The following GRID2 variants were observed in gnomAD, a reference collection of about 807,000 sequenced individuals.
GRID2 encodes the protein glutamate receptor ionotropic, delta-2.
Under a neutral mutation model 114.8 loss-of-function variants are expected in GRID2, and 33 were observed. The observed-to-expected ratio is 0.29, with a 90% CI of 0.22 to 0.38. The LOEUF (loss-of-function observed/expected upper bound fraction) is 0.38, where lower values mean the gene tolerates loss of function less well. Among genes scored for constraint, GRID2 ranks in the 10% least tolerant of loss-of-function variants. GRID2 has a pLI of 1.00. For synonymous variants in GRID2, 505 were observed against 449.9 expected (o/e 1.12, Z -1.55); for missense variants, 1,184 against 1,257.7 (o/e 0.94, Z 0.89).
chr4:92,314,388 A>G (rs1362092735), intron 1 of GRID2, among the ~76,000 whole-genome samples: 1 of 152,176 alleles, frequency 6.6e-6, no homozygotes, highest in Non-Finnish European at 1.5e-5. Flanking sequence ...TTCTTGTTAT[A>G]ATAGACAAAT....
chr4:92,541,274 C>T (rs1030270096), intron 1 of GRID2, among the ~76,000 whole-genome samples: 1 of 150,960 alleles, frequency 6.6e-6, no homozygotes, highest in African/African-American at 2.4e-5. Flanking sequence ...CACATGTACC[C>T]TTAAACTTAA....
At chr4:92,505,113 C>A (rs1723891691) in intron 1 of GRID2, among the ~76,000 whole-genome samples, 1 of 151,944 alleles carries the variant, frequency 6.6e-6, no homozygotes, top group Admixed American at 6.6e-5. Context: ...ACTACATAAA[C>A]CATAGTGGCT....
intron 2 of GRID2, among the ~76,000 whole-genome samples, chr4:92,726,789 A>G (rs1736089639): frequency 6.6e-6 from 1 of 152,046 alleles, no homozygotes; most frequent in Non-Finnish European, 1.5e-5. Flanking sequence ...GTACCAGAAC[A>G]TTGGTTCGGC....
chr4:93,089,405 A>G (rs1730589002), intron 3 of GRID2, among the ~76,000 whole-genome samples: 1 of 152,154 alleles, frequency 6.6e-6, no homozygotes, highest in Admixed American at 6.6e-5. Context: ...AGGCTGACCT[A>G]TCTGTAACAG....
At chr4:93,516,057 C>A (rs1729694811) in intron 13 of GRID2, among the ~76,000 whole-genome samples, 1 of 152,116 alleles carries the variant, frequency 6.6e-6, no homozygotes, top group Admixed American at 6.6e-5. Context: ...CCCTATCAAC[C>A]TCTATGAGAG....
chr4:93,701,388 A>T (rs1159812244), intron 14 of GRID2, among the ~76,000 whole-genome samples: 1 of 152,172 alleles, frequency 6.6e-6, no homozygotes, highest in Non-Finnish European at 1.5e-5. Context: ...TCTATAGAAC[A>T]TATGCTATAA....
At chr4:93,335,262 A>G (rs1758926791) in intron 8 of GRID2, among the ~76,000 whole-genome samples, 2 of 152,190 alleles carry the variant, frequency 1.3e-5, no homozygotes, top group African/African-American at 2.4e-5. Context: ...AGGTAAAGTC[A>G]ATGATCTAAT....
chr4:92,827,786 T>A (rs1741830055), intron 2 of GRID2, among the ~76,000 whole-genome samples: 1 of 152,106 alleles, frequency 6.6e-6, no homozygotes, highest in Non-Finnish European at 1.5e-5. Context: ...TTAGCTAAAA[T>A]AAATCTAGTT....
chr4:92,773,791 TGTAAA>T lies in GRID2; in HGVS notation c.244+183509_244+183513del, dbSNP rs577355871. Among the ~76,000 whole-genome samples the T allele has an allele frequency of 1.2e-4, 18 of 152,146 alleles. No homozygotes were observed. In the South Asian group the frequency reaches 2.9e-3, roughly 25 times the overall value. On this transcript the variant is annotated intron_variant, in intron 2 of 15. Transcript: ENST00000282020. ...TGGGAATAAAAGAAAAACAATAAAA[TGTAAA>T]GTATAATTTAGAGCTTTTTAGTAAT...
chr4:92,584,101 A>C (rs763419180), intron 1 of GRID2, among the ~76,000 whole-genome samples: 6 of 151,852 alleles, frequency 4.0e-5, no homozygotes, highest in Non-Finnish European at 8.8e-5. Flanking sequence ...TAATACTGCT[A>C]ATTTCTCTTA....
intron 2 of GRID2, among the ~76,000 whole-genome samples, chr4:92,866,548 T>A (rs1308258384): frequency 6.6e-6 from 1 of 152,004 alleles, no homozygotes; most frequent in African/African-American, 2.4e-5. Context: ...GTTATCCTTT[T>A]TTTTTTTTCT....
chr4:92,785,853 A>G (rs1436577571), intron 2 of GRID2, among the ~76,000 whole-genome samples: 1 of 151,894 alleles, frequency 6.6e-6, no homozygotes, highest in Non-Finnish European at 1.5e-5. Context: ...AACTTTTTTT[A>G]AAACTATAAA....
chr4:92,340,602 A>G (rs1383505240), intron 1 of GRID2, among the ~76,000 whole-genome samples: 1 of 152,146 alleles, frequency 6.6e-6, no homozygotes, highest in Non-Finnish European at 1.5e-5. Context: ...TCATTGCTCA[A>G]AATTCAATGT....
chr4:93,678,232 G>A (rs1436585745), intron 14 of GRID2, among the ~76,000 whole-genome samples: 1 of 152,092 alleles, frequency 6.6e-6, no homozygotes, highest in Non-Finnish European at 1.5e-5. Context: ...AGAGAAAAAA[G>A]AATAAAAAGA....
Position 92,585,412 on chromosome 4 carries a change from A to T in GRID2, c.89-4719A>T, listed in dbSNP as rs986466798. On this transcript the variant is annotated intron_variant, in intron 1 of 15. Transcript: ENST00000282020. ...AAAAGTTTGAACTTTCTGACTAAAA[A>T]ATAAAGATCAGCTATCTTTGATTTT... is the stretch of plus-strand genomic sequence containing the variant. Among the ~76,000 whole-genome samples the T allele has an allele frequency of 6.6e-5, 10 of 152,166 alleles. No individual in the cohort carries two copies. In the East Asian group the frequency reaches 1.9e-3, roughly 29 times the overall value.
At chr4:92,962,658 C>A (rs962217523) in intron 2 of GRID2, among the ~76,000 whole-genome samples, 1 of 151,884 alleles carries the variant, frequency 6.6e-6, no homozygotes, top group African/African-American at 2.4e-5. Flanking sequence ...CTGCTGGAAG[C>A]ATGAAGGGAT....
At chr4:92,331,390 A>G (rs1726882385) in intron 1 of GRID2, among the ~76,000 whole-genome samples, 1 of 152,220 alleles carries the variant, frequency 6.6e-6, no homozygotes, top group East Asian at 1.9e-4. Flanking sequence ...CTGAGCATTG[A>G]TCTGTCTTCT....
intron 3 of GRID2, among the ~76,000 whole-genome samples, chr4:93,103,429 A>G (rs1731890649): frequency 6.6e-6 from 1 of 152,088 alleles, no homozygotes; most frequent in African/African-American, 2.4e-5. Context: ...ATTAAATAGT[A>G]ACTAAAACAA....
At chr4:92,390,661 TA>T (rs1730197100) in intron 1 of GRID2, among the ~76,000 whole-genome samples, 1 of 152,162 alleles carries the variant, frequency 6.6e-6, no homozygotes, top group Non-Finnish European at 1.5e-5. Context: ...AAATAAAAAT[TA>T]GATACTTTCC....
Sources: gnomAD v4.1 joint callset for allele counts (sites outside exome capture counted in the v4.1 genomes callset) on GRCh38, gnomAD v4.1.1 for gene constraint, MANE v1.5 for transcripts, NCBI Gene and HGNC (gene_info 2026-07-23, HGNC 2026-07-21) for gene names.